SLC26A4: variants seen among roughly 807,000 people sequenced by gnomAD.
The protein encoded by SLC26A4 is pendrin.
A neutral mutation model predicts 90.4 loss-of-function variants in SLC26A4; 93 were observed. The observed-to-expected ratio is 1.03, with a 90% CI of 0.87 to 1.22. SLC26A4 has a LOEUF of 1.22. SLC26A4 is among the 50% of genes most tolerant of loss of function. The probability of loss-of-function intolerance (pLI) is 0.00; values close to 1 mark genes in which losing one functional copy is unlikely to be tolerated. For missense variants in SLC26A4, 1,127 were observed against 946.2 expected, an observed-to-expected ratio of 1.19 and a Z score of -2.51; for synonymous variants, 393 against 354.6, an observed-to-expected ratio of 1.11 and a Z score of -1.22.
chr7:107,686,829 C>G (rs552494201), intron 8 of SLC26A4, among the ~76,000 whole-genome samples: 181 of 152,292 alleles, frequency 1.2e-3, no homozygotes, highest in African/African-American at 4.2e-3. Context: ...AGAACATGCC[C>G]TGTCCCATCA....
intron 6 of SLC26A4, among the ~76,000 whole-genome samples, chr7:107,678,489 A>G (rs1427833074): frequency 6.6e-6 from 1 of 152,244 alleles, no homozygotes; most frequent in African/African-American, 2.4e-5. Context: ...ATGTTTAAGA[A>G]GAAACTTTCT....
rs1422527211 is a variant in SLC26A4 at position 107,715,509 on chromosome 7, C to T, written c.*63C>T. ...AGACAAAACTTCCTCAATGCATTGACTATTTCTTCAGACTCAAAACACTCA... is the reference window on the plus strand; with the variant it reads ...AGACAAAACTTCCTCAATGCATTGATTATTTCTTCAGACTCAAAACACTCA... On this transcript the variant is annotated 3_prime_UTR_variant, in exon 21 of 21. Coordinates refer to ENST00000644269, the MANE Select transcript of SLC26A4 (RefSeq NM_000441.2). The T allele has an allele frequency of 4.1e-6, 5 of 1,206,526 alleles. No individual in the cohort carries two copies. The highest frequency in any genetic ancestry group is 6.2e-6 in the Non-Finnish European group (5 of 807,762). 74.7% of individuals were successfully genotyped at this position (1,206,526 alleles called of 1,614,324 possible).
In SLC26A4 at chr7:107,689,073, C is replaced by T. The variant is rs983148710; in HGVS notation, c.1022C>T (p.Pro341Leu). 1.3e-5 allele frequency: 21 copies of T among 1,613,774 alleles called. No homozygotes were observed. Among genetic ancestry groups the T allele is most frequent in the Non-Finnish European group, 1.7e-5 (20 of 1,179,848 alleles). ...IPRGFLPPEL[P>L]PVSLFSEMLA... ...ACTAGGTTTTTGCCTCCTGAACTTC[C>T]ACCTGTGAGCTTGTTCTCGGAGATG... Residue 341 changes from proline to leucine, a missense_variant, in exon 9 of 21, where the codon CCA (proline) becomes CTA (leucine). Physicochemically the swap from Pro to Leu is moderately conservative, Grantham distance 98 (BLOSUM62 -3). Transcript: ENST00000644269.
At chr7:107,683,936 T>C (rs1201599980) in intron 8 of SLC26A4, among the ~76,000 whole-genome samples, 1 of 152,210 alleles carries the variant, frequency 6.6e-6, no homozygotes, top group East Asian at 1.9e-4. Flanking sequence ...TTTAGTTTAA[T>C]CAATTTTGGA....
At chr7:107,694,861 C>G (rs1791693622) in intron 12 of SLC26A4, 145 bp downstream of exon 12, 2 of 701,524 alleles carry the variant, frequency 2.9e-6, no homozygotes, top group South Asian at 3.1e-5. Context: ...GGGGATAAAT[C>G]AAAGCCATGA....
chr7:107,715,000 G>C (rs1422045032), intron 20 of SLC26A4, among the ~76,000 whole-genome samples: 1 of 150,988 alleles, frequency 6.6e-6, no homozygotes, highest in Non-Finnish European at 1.5e-5. Flanking sequence ...TGAGGCAGGG[G>C]GATCACTTGA....
chr7:107,688,092 A>C (rs1858930), intron 8 of SLC26A4, among the ~76,000 whole-genome samples: 117,372 of 152,058 alleles, frequency 0.77, 45,564 homozygotes, highest in East Asian at 0.99. Flanking sequence ...ACTAACTGAC[A>C]TCAAGCAAAT....
At chr7:107,690,018 G>A in intron 9 of SLC26A4, 106 bp from the exon 10 acceptor site, 1 of 792,130 alleles carries the variant, frequency 1.3e-6, no homozygotes, top group Non-Finnish European at 2.3e-6. Flanking sequence ...CCACCACGCA[G>A]AGTAGGCATG....
chr7:107,709,943 C>A, intron 18 of SLC26A4, 111 bp from the exon 19 acceptor site: 2 of 839,916 alleles, frequency 2.4e-6, no homozygotes, highest in African/African-American at 1.7e-5. Context: ...TTGCAGTGAG[C>A]AATGATGCCA....
chr7:107,691,648 A>G (rs554927180), intron 10 of SLC26A4, among the ~76,000 whole-genome samples: 47 of 152,130 alleles, frequency 3.1e-4, no homozygotes, highest in Admixed American at 2.8e-3. Context: ...AATTGTCCCC[A>G]ATATGCATGT....
chr7:107,681,053 G>A (rs574342497), intron 6 of SLC26A4, among the ~76,000 whole-genome samples: 79 of 152,114 alleles, frequency 5.2e-4, no homozygotes, highest in Non-Finnish European at 9.8e-4. Flanking sequence ...TCTTGTTATC[G>A]TGTCTGCTGG....
In SLC26A4 at chr7:107,716,806, C is replaced by T. The variant is rs1266737747; in HGVS notation, c.*1360C>T. On this transcript the variant is annotated 3_prime_UTR_variant, in exon 21 of 21. Coordinates refer to ENST00000644269, the MANE Select transcript of SLC26A4 (RefSeq NM_000441.2). ...TATACTCCAGGGATTGGTTTCAGGA[C>T]CCCTGCATTTACCAAAATTTGTGCA... 1.3e-5 allele frequency: 2 copies of T among 152,142 alleles called. No individual in the cohort carries two copies. The highest frequency in any genetic ancestry group is 3.9e-4 in the East Asian group (2 of 5,182). 9.4% of individuals were successfully genotyped at this position (152,142 alleles called of 1,614,324 possible).
chr7:107,692,519 A>G (rs933754382), intron 10 of SLC26A4, among the ~76,000 whole-genome samples: 1 of 152,230 alleles, frequency 6.6e-6, no homozygotes, highest in Non-Finnish European at 1.5e-5. Flanking sequence ...CAAGAATAGC[A>G]TCTTAGCATC....
chr7:107,689,977 A>G lies in SLC26A4; in HGVS notation c.1150-147A>G, dbSNP rs1791521451. On this transcript the variant is annotated intron_variant, in intron 9 of 20. Transcript: ENST00000644269. ...ACTCCTGATGTCGTACAAGGACCCC[A>G]AGTACCTATCACGGTAAAAATTAAA... The G allele has an allele frequency of 7.1e-6, 5 of 703,580 alleles. No homozygotes were observed. In the Admixed American group the frequency reaches 9.8e-5, roughly 14 times the overall value. The allele number at this position is 703,580 out of a possible 1,614,324, so 43.6% of individuals were successfully genotyped here.
chr7:107,672,080 A>T, intron 3 of SLC26A4, 58 bp from the exon 4 acceptor site: 1 of 1,035,998 alleles, frequency 9.7e-7, no homozygotes, highest in South Asian at 1.3e-5. Flanking sequence ...TAAGTTGAGG[A>T]CTTTCTGCAT....
In SLC26A4 at chr7:107,691,840, G is replaced by A. The variant is rs972103326; in HGVS notation, c.1263+1603G>A. 7 of 1,149,720 alleles carry A rather than the reference G, an allele frequency of 6.1e-6. No homozygotes were observed. In the Admixed American group the frequency reaches 1.8e-4, roughly 30 times the overall value. 71.2% of individuals were successfully genotyped at this position (1,149,720 alleles called of 1,614,324 possible). A position where few individuals can be genotyped will look rare whatever the true frequency, so the allele number is the denominator to read the frequency against. On this transcript the variant is annotated intron_variant, in intron 10 of 20. Coordinates refer to ENST00000644269, the MANE Select transcript of SLC26A4 (RefSeq NM_000441.2). ...TAAAATAATACAGCTCATATCCGGA[G>A]GCATAGCCAGAGATCTGTGGTCAAG... is the stretch of plus-strand genomic sequence containing the variant.
At chr7:107,709,806 C>G (rs1792130689) in intron 18 of SLC26A4, among the ~76,000 whole-genome samples, 1 of 152,144 alleles carries the variant, frequency 6.6e-6, no homozygotes. Flanking sequence ...GGAGGAGCTA[C>G]AAAAACTTAG....
intron 10 of SLC26A4, chr7:107,691,858 T>C: frequency 1.7e-6 from 2 of 1,193,484 alleles, no homozygotes; most frequent in African/African-American, 1.6e-5. Flanking sequence ...CAGAGATCTG[T>C]GGTCAAGGGG....
At chr7:107,674,816 A>T in intron 5 of SLC26A4, 129 bp from the exon 6 acceptor site, 1 of 816,806 alleles carries the variant, frequency 1.2e-6, no homozygotes, top group Non-Finnish European at 2.1e-6. Context: ...ATTTTTTTCT[A>T]CCAGTATTTT....
Sources: allele counts gnomAD v4.1 joint callset (sites outside exome capture counted in the v4.1 genomes callset), GRCh38; gene constraint gnomAD v4.1.1; transcripts MANE v1.5; gene names NCBI Gene and HGNC (gene_info 2026-07-23, HGNC 2026-07-21).